The following DHX30 variants were observed in gnomAD, a reference collection of about 807,000 sequenced individuals.
The protein encoded by DHX30 is ATP-dependent RNA helicase DHX30.
A neutral mutation model predicts 116.9 loss-of-function variants in DHX30; 4 were observed. The observed-to-expected ratio is 0.03, with a 90% CI of 0.02 to 0.08. The LOEUF is 0.08. Ranked by LOEUF, DHX30 falls within the 10% of genes least tolerant of loss-of-function variation. The pLI is 1.00. For synonymous variants in DHX30, 697 were observed against 651.7 expected (o/e 1.07, Z -1.06); for missense variants, 871 against 1,595.1 (o/e 0.55, Z 7.73).
intron 1 of DHX30, among the ~76,000 whole-genome samples, chr3:47,804,980 G>A (rs2035451496): frequency 6.6e-6 from 1 of 152,196 alleles, no homozygotes; most frequent in African/African-American, 2.4e-5. Flanking sequence ...CTTTATGTTA[G>A]ATTATCATAA....
rs1425237008 is a variant in DHX30, at chr3:47,832,457, A to G, written c.366+3323A>G. Reference sequence around the variant, plus strand: ...TCCAGGTAGCTGGGATTACAGGCACACACAACCATGCCCAGCTAATTTTCT... The same window carrying G: ...TCCAGGTAGCTGGGATTACAGGCACGCACAACCATGCCCAGCTAATTTTCT... On this transcript the variant is annotated intron_variant, in intron 6 of 21. Transcript: ENST00000445061. Among the ~76,000 whole-genome samples the G allele has an allele frequency of 2.0e-5, 3 of 152,128 alleles. No homozygotes were observed. In the East Asian group the frequency reaches 5.8e-4, roughly 29 times the overall value.
In DHX30 at chr3:47,845,492, T is replaced by G. The variant is rs564100931; in HGVS notation, c.940-208T>G. On this transcript the variant is annotated intron_variant, in intron 9 of 21. Coordinates refer to ENST00000445061, the MANE Select transcript of DHX30 (RefSeq NM_138615.3). ...GTGAGCCACCGCGCCCGGCCTGAAT[T>G]AACTTTAGTTCATTTTTTAAAACGT... 37 of 555,654 alleles carry G rather than the reference T, an allele frequency of 6.7e-5. No homozygotes were observed. In the South Asian group the frequency reaches 1.9e-3, roughly 29 times the overall value. The allele number at this position is 555,654 out of a possible 1,614,324, so 34.4% of individuals were successfully genotyped here.
rs184396950 is a variant in DHX30 at position 47,814,239 on chromosome 3, A to T, written c.28+3528A>T. 3.2e-3 allele frequency among the ~76,000 whole-genome samples: 481 copies of T among 150,762 alleles called. 3 individuals carry two copies. The highest frequency in any genetic ancestry group is 6.8e-3 in the Middle Eastern group (2 of 294). ...CAGGAGTTCGAGACCAGCCTGGCCAACATGGTGAAACCCCGTCTCTACTAA... is the reference window on the plus strand; with the variant it reads ...CAGGAGTTCGAGACCAGCCTGGCCATCATGGTGAAACCCCGTCTCTACTAA... On this transcript the variant is annotated intron_variant, in intron 3 of 21. Coordinates refer to ENST00000445061, the MANE Select transcript of DHX30 (RefSeq NM_138615.3).
At chr3:47,808,090 A>G (rs1428532746) in intron 2 of DHX30, among the ~76,000 whole-genome samples, 3 of 150,680 alleles carry the variant, frequency 2.0e-5, no homozygotes, top group Admixed American at 6.6e-5. Flanking sequence ...TTGTATTTTT[A>G]GTAGAGACGG....
intron 6 of DHX30, among the ~76,000 whole-genome samples, chr3:47,834,357 G>A (rs1331873380): frequency 6.6e-6 from 1 of 152,192 alleles, no homozygotes; most frequent in Admixed American, 6.6e-5. Flanking sequence ...GCCCGCCTTG[G>A]CCTCTTGAAG....
Position 47,849,703 on chromosome 3 carries a change from C to T in DHX30, c.3265C>T (p.Arg1089Trp), listed in dbSNP as rs1451088411. Residue 1089 changes from arginine (R) to tryptophan (W), a missense_variant, in exon 21 of 22, where the codon CGG (arginine) becomes TGG (tryptophan). By Grantham distance (101) the Arg-to-Trp change is moderately radical. Around this residue, in one of 13 missense-constraint regions of DHX30, gnomAD observed 238 missense variants for 481.0 expected, o/e 0.49. Transcript: ENST00000445061. ...CAAGTCCAATGGCAGCGTCTTCGTC[C>T]GGGACTCCTCTCAGGTGCACCCGCT... is the stretch of plus-strand genomic sequence containing the variant. Reference protein sequence around the residue: ...AVKSNGSVFVRDSSQVHPLAV... With the variant: ...AVKSNGSVFVWDSSQVHPLAV... The T allele has an allele frequency of 1.2e-6, 2 of 1,614,140 alleles. No individual in the cohort carries two copies. Among genetic ancestry groups the T allele is most frequent in the Admixed American group, 1.7e-5 (1 of 60,026 alleles).
At chr3:47,841,995 G>A (rs1273019259) in intron 8 of DHX30, 6 of 518,952 alleles carry the variant, frequency 1.2e-5, no homozygotes, top group South Asian at 1.1e-4. Flanking sequence ...ATTGTCAGTG[G>A]GGAAGGGTTA....
chr3:47,813,326 C>T (rs902391408), intron 3 of DHX30, among the ~76,000 whole-genome samples: 2 of 151,964 alleles, frequency 1.3e-5, no homozygotes, highest in Admixed American at 6.6e-5. Flanking sequence ...GGCGAAACAG[C>T]GAGACTCCAT....
In DHX30 at chr3:47,846,192, C is replaced by A; in HGVS notation, c.1120C>A (p.Pro374Thr). ...CCCTGTGGAGAGTTCATGGATCGCC[C>A]CAGAACTCCGGCTGCAGAGTGATGA... The part of the protein sequence containing the change: ...HYPVESSWIA[P>T]ELRLQSDDIL... The change falls in exon 11 of 22, where the codon CCA (proline) becomes ACA (threonine). Residue 374 changes from proline to threonine, a missense_variant. This residue lies in a region of DHX30 where 175 missense variants were observed against 292.9 expected (regional missense o/e 0.60). Transcript: ENST00000445061. The A allele has an allele frequency of 6.2e-7, 1 of 1,613,722 alleles. No individual in the cohort carries two copies. The highest frequency in any genetic ancestry group is 8.5e-7 in the Non-Finnish European group (1 of 1,180,000).
chr3:47,811,487 A>G (rs1350713448), intron 3 of DHX30, among the ~76,000 whole-genome samples: 3 of 152,170 alleles, frequency 2.0e-5, no homozygotes, highest in East Asian at 1.9e-4. Flanking sequence ...TTTCGCACAT[A>G]GTAGGCCTCA....
Position 47,846,960 on chromosome 3 carries a change from T to C in DHX30, c.1888T>C (p.Leu630=). ...EHYLEDILAK[L]GKHQYLHRHR... ...CTACCTAGAGGACATCCTGGCCAAG[T>C]TGGGCAAGCACCAGTACCTGCACCG... Residue 630 remains leucine (L), a synonymous_variant, in exon 11 of 22, where the codon TTG becomes CTG. Transcript: ENST00000445061. 6.2e-7 allele frequency: 1 copy of C among 1,613,494 alleles called. No homozygotes were observed. The highest frequency in any genetic ancestry group is 8.5e-7 in the Non-Finnish European group (1 of 1,179,970).
In DHX30 at chr3:47,848,600, G is replaced by T. The variant is rs376976108; in HGVS notation, c.2576-24G>T. 4,417 of 1,614,066 alleles carry T rather than the reference G, an allele frequency of 2.7e-3. 124 individuals are homozygous for T. The South Asian group carries it at 0.046, about 17-fold the overall frequency. On this transcript the variant is annotated intron_variant, in intron 16 of 21. Coordinates refer to ENST00000445061, the MANE Select transcript of DHX30 (RefSeq NM_138615.3). This position sits in a 1 kb window ranked among gnomAD's most constrained non-coding sequence, Gnocchi z 9.4. The stretch of plus-strand genomic sequence containing the variant: ...GGCTGGGGAGTGGCTCTCGAGGGTG[G>T]TACTGACAGCTGAGCCGTTGCAGGG...
intron 6 of DHX30, among the ~76,000 whole-genome samples, chr3:47,831,703 G>C (rs528941814): frequency 2.0e-5 from 3 of 148,944 alleles, no homozygotes; most frequent in Non-Finnish European, 4.4e-5. Context: ...TAGAGATGGG[G>C]TCTTACTATA....
intron 1 of DHX30, among the ~76,000 whole-genome samples, 191 bp from the exon 2 acceptor site, chr3:47,805,135 A>C (rs1434818814): frequency 1.3e-5 from 2 of 152,222 alleles, no homozygotes; most frequent in Admixed American, 1.3e-4. Flanking sequence ...GTGCTGGTGT[A>C]GGACAGCTTA....
Position 47,830,219 on chromosome 3 carries a change from G to A in DHX30, c.366+1085G>A, listed in dbSNP as rs1005610085. ...ATTCCCAGCACTTTGGGAGGCCGAG[G>A]TGGGCAGATCACGAGGTCAGGAGCT... On this transcript the variant is annotated intron_variant, in intron 6 of 21. Coordinates refer to ENST00000445061, the MANE Select transcript of DHX30 (RefSeq NM_138615.3). 2.6e-5 allele frequency among the ~76,000 whole-genome samples: 4 copies of A among 151,100 alleles called. No homozygotes were observed. In the East Asian group the frequency reaches 8.1e-4, roughly 31 times the overall value.
At chr3:47,829,635 A>G (rs2036743653) in intron 6 of DHX30, among the ~76,000 whole-genome samples, 1 of 151,294 alleles carries the variant, frequency 6.6e-6, no homozygotes, top group South Asian at 2.1e-4. Context: ...TGAGCTCGTA[A>G]TCTATTTTCT....
At position 47,841,176 on chromosome 3, in the gene DHX30, A is replaced by G; in HGVS notation, c.666A>G (p.Ser222=). The G allele has an allele frequency of 6.2e-7, 1 of 1,613,296 alleles. No homozygotes were observed. The highest frequency in any genetic ancestry group is 8.5e-7 in the Non-Finnish European group (1 of 1,179,830). Residue 222 remains serine, a splice_region_variant and synonymous_variant, in exon 7 of 22, where the codon TCA becomes TCG. Transcript: ENST00000445061. ...QQDSHAPLRD[S]RGSSFEMTDD... ...ATTCCCACGCTCCACTCAGGGACTC[A>G]AGGTACAGATGGAGGATGGGGATGC...
At chr3:47,813,673 G>A (rs933883936) in intron 3 of DHX30, among the ~76,000 whole-genome samples, 1 of 152,110 alleles carries the variant, frequency 6.6e-6, no homozygotes, top group Non-Finnish European at 1.5e-5. Flanking sequence ...GATTAAATAG[G>A]TCTTCCTGAT....
intron 3 of DHX30, chr3:47,816,573 G>T (rs1036081276): frequency 2.1e-6 from 2 of 969,068 alleles, no homozygotes; most frequent in Non-Finnish European, 2.5e-6. Flanking sequence ...GGCCAGGATG[G>T]TCTCGATCTC....
Sources: gnomAD v4.1 joint callset for allele counts (sites outside exome capture counted in the v4.1 genomes callset) on GRCh38, gnomAD v4.1.1 for gene constraint, gnomAD v4.1.1 regional missense constraint, Gnocchi (gnomAD v3.1) non-coding constraint, MANE v1.5 for transcripts, NCBI Gene and HGNC (gene_info 2026-07-23, HGNC 2026-07-21) for gene names.